CNTNAP2: variants seen among roughly 807,000 people sequenced by gnomAD.
CNTNAP2 encodes the protein contactin associated protein 2.
A neutral mutation model predicts 155.2 loss-of-function variants in CNTNAP2; 98 were observed. The ratio of observed to expected loss-of-function variants is 0.63; its 90% CI spans 0.54 to 0.75. The LOEUF (loss-of-function observed/expected upper bound fraction) is 0.75. Among genes scored for constraint, CNTNAP2 ranks in the 30% least tolerant of loss-of-function variants. CNTNAP2 has a pLI of 0.00. For missense variants in CNTNAP2, 1,727 were observed against 1,688.1 expected, an observed-to-expected ratio of 1.02 and a Z score of -0.40; for synonymous variants, 651 against 631.2, an observed-to-expected ratio of 1.03 and a Z score of -0.47.
intron 12 of CNTNAP2, among the ~76,000 whole-genome samples, chr7:147,579,810 C>A (rs537491667): frequency 4.6e-5 from 7 of 152,238 alleles, no homozygotes; most frequent in African/African-American, 1.7e-4. Flanking sequence ...AATGCAATAT[C>A]ATATGAAATG....
At chr7:146,558,789 A>G (rs1229849774) in intron 1 of CNTNAP2, among the ~76,000 whole-genome samples, 1 of 152,090 alleles carries the variant, frequency 6.6e-6, no homozygotes, top group East Asian at 1.9e-4. Flanking sequence ...CCTGGCAACT[A>G]CCATTCCACT....
chr7:146,393,030 C>T (rs1795567558), intron 1 of CNTNAP2, among the ~76,000 whole-genome samples: 1 of 152,180 alleles, frequency 6.6e-6, no homozygotes, highest in South Asian at 2.1e-4. Context: ...GGATCATCTT[C>T]ACAGCCTCCG....
chr7:146,677,249 A>T (rs1445906109), intron 1 of CNTNAP2, among the ~76,000 whole-genome samples: 2 of 152,304 alleles, frequency 1.3e-5, no homozygotes, highest in Non-Finnish European at 2.9e-5. Flanking sequence ...GGTGGATACA[A>T]AGGTTTTCTG....
Position 148,102,918 on chromosome 7 carries a change from G to T in CNTNAP2, c.2384-15200G>T, listed in dbSNP as rs559378441. Among the ~76,000 whole-genome samples the T allele has an allele frequency of 2.0e-5, 3 of 152,270 alleles. No individual in the cohort carries two copies. The East Asian group carries it at 5.8e-4, about 29-fold the overall frequency. On this transcript the variant is annotated intron_variant, in intron 15 of 23. Coordinates refer to ENST00000361727, the MANE Select transcript of CNTNAP2 (RefSeq NM_014141.6). ...GGTCCTGATGACATGTGCCCAAGGT[G>T]GTCAGGGCATAGCTTGGTTTTATAC...
chr7:146,531,838 C>A (rs189372342), intron 1 of CNTNAP2, among the ~76,000 whole-genome samples: 1 of 152,134 alleles, frequency 6.6e-6, no homozygotes, highest in African/African-American at 2.4e-5. Context: ...AGCCACCATG[C>A]CGGCCCTATA....
chr7:146,958,224 T>C (rs1419247403), intron 3 of CNTNAP2, among the ~76,000 whole-genome samples: 1 of 152,108 alleles, frequency 6.6e-6, no homozygotes, highest in African/African-American at 2.4e-5. Flanking sequence ...AAATGATATT[T>C]GATCTTCCTT....
intron 3 of CNTNAP2, among the ~76,000 whole-genome samples, chr7:146,882,821 A>G (rs919883417): frequency 2.6e-5 from 4 of 152,194 alleles, no homozygotes; most frequent in Non-Finnish European, 5.9e-5. Flanking sequence ...ACCTTTTACA[A>G]TAGCTACAAA....
chr7:146,801,267 A>C (rs1802872611), intron 2 of CNTNAP2, among the ~76,000 whole-genome samples: 1 of 152,192 alleles, frequency 6.6e-6, no homozygotes, highest in Admixed American at 6.5e-5. Flanking sequence ...CCAAGAGGAC[A>C]GCACCAAGCC....
intron 13 of CNTNAP2, among the ~76,000 whole-genome samples, chr7:147,814,136 A>C (rs1161275667): frequency 2.6e-5 from 4 of 152,156 alleles, no homozygotes; most frequent in Non-Finnish European, 1.5e-5. Context: ...GTCCCCTCAG[A>C]TCTTCCAAGG....
At chr7:146,892,646 C>T (rs1585142236) in intron 3 of CNTNAP2, among the ~76,000 whole-genome samples, 2 of 152,266 alleles carry the variant, frequency 1.3e-5, no homozygotes, top group Middle Eastern at 6.8e-3. Context: ...CGTGGTGGCA[C>T]ATGCCTGTAA....
intron 12 of CNTNAP2, among the ~76,000 whole-genome samples, chr7:147,572,755 ATCAAC>A (rs1800320134): frequency 6.6e-6 from 1 of 151,824 alleles, no homozygotes; most frequent in South Asian, 2.1e-4. Flanking sequence ...TTCAATTAAG[ATCAAC>A]TCATTTCTTT....
intron 1 of CNTNAP2, among the ~76,000 whole-genome samples, chr7:146,614,541 G>A (rs759303280): frequency 6.6e-6 from 1 of 152,138 alleles, no homozygotes; most frequent in Non-Finnish European, 1.5e-5. Flanking sequence ...TTGGGGAAAA[G>A]GGCCACAATC....
Position 146,926,274 on chromosome 7 carries a change from A to G in CNTNAP2, c.402+86370A>G, listed in dbSNP as rs148501535. ...ATTTGTGTGTGTGTGTGTGTGATTC[A>G]TTGACAATATAACAAAAATTTTAAC... On this transcript the variant is annotated intron_variant, in intron 3 of 23. Coordinates refer to ENST00000361727, the MANE Select transcript of CNTNAP2 (RefSeq NM_014141.6). Among the ~76,000 whole-genome samples, 1,065 of 151,996 alleles carry G rather than the reference A, an allele frequency of 7.0e-3. 4 individuals are homozygous for G. The highest frequency in any genetic ancestry group is 0.012 in the Non-Finnish European group (835 of 67,880).
chr7:147,382,532 A>G (rs1465048444), intron 9 of CNTNAP2, among the ~76,000 whole-genome samples: 2 of 152,192 alleles, frequency 1.3e-5, no homozygotes, highest in African/African-American at 2.4e-5. Flanking sequence ...AATACCAGCA[A>G]TATCTTGAGT....
chr7:147,980,444 A>T (rs1293069489), intron 15 of CNTNAP2, among the ~76,000 whole-genome samples: 1 of 152,164 alleles, frequency 6.6e-6, no homozygotes, highest in African/African-American at 2.4e-5. Flanking sequence ...CTTTTAAATA[A>T]TATTTTACCT....
intron 13 of CNTNAP2, among the ~76,000 whole-genome samples, chr7:147,854,798 C>T (rs1049288096): frequency 1.3e-5 from 2 of 152,078 alleles, no homozygotes; most frequent in Non-Finnish European, 2.9e-5. Flanking sequence ...CAGGTATGTG[C>T]ATCTACTTTT....
chr7:147,278,434 A>G (rs1563143856), intron 8 of CNTNAP2, among the ~76,000 whole-genome samples: 1 of 151,798 alleles, frequency 6.6e-6, no homozygotes, highest in Admixed American at 6.6e-5. Context: ...CAGAATTTGT[A>G]ACTACAGAAC....
At chr7:146,764,514 G>A (rs1802162089) in intron 1 of CNTNAP2, among the ~76,000 whole-genome samples, 3 of 150,330 alleles carry the variant, frequency 2.0e-5, no homozygotes, top group South Asian at 4.2e-4. Flanking sequence ...CAAGTTCGAG[G>A]AGTCAAAAGC....
At chr7:147,557,697 C>A (rs1365512962) in intron 11 of CNTNAP2, among the ~76,000 whole-genome samples, 2 of 152,158 alleles carry the variant, frequency 1.3e-5, no homozygotes, top group Non-Finnish European at 2.9e-5. Flanking sequence ...TTAGCTCATT[C>A]TCTGCATAAA....
Sources: gnomAD v4.1 joint callset for allele counts (sites outside exome capture counted in the v4.1 genomes callset) on GRCh38, gnomAD v4.1.1 for gene constraint, MANE v1.5 for transcripts, NCBI Gene and HGNC (gene_info 2026-07-23, HGNC 2026-07-21) for gene names.